The following PRKCB variants were observed in gnomAD, a reference collection of about 807,000 sequenced individuals.
The protein encoded by PRKCB is protein kinase C beta type.
PRKCB carries 13 observed loss-of-function variants against 81.5 expected under a neutral mutation model. That is an observed-to-expected ratio of 0.16 (90% CI 0.10 to 0.25). The LOEUF is 0.25. PRKCB is among the 10% of genes least tolerant of loss of function. The probability of loss-of-function intolerance (pLI) is 1.00; values close to 1 mark genes in which losing one functional copy is unlikely to be tolerated. For missense variants in PRKCB, 509 were observed against 875.7 expected, an observed-to-expected ratio of 0.58 and a Z score of 5.29; for synonymous variants, 335 against 321.4, an observed-to-expected ratio of 1.04 and a Z score of -0.45.
chr16:24,111,705 G>A (rs1326963772), intron 7 of PRKCB, among the ~76,000 whole-genome samples: 2 of 151,926 alleles, frequency 1.3e-5, no homozygotes, highest in African/African-American at 4.8e-5. Context: ...AGCTGAGGCC[G>A]GAGGATTGTT....
intron 2 of PRKCB, among the ~76,000 whole-genome samples, chr16:23,848,388 T>C (rs1962414462): frequency 6.6e-6 from 1 of 152,046 alleles, no homozygotes; most frequent in Non-Finnish European, 1.5e-5. Flanking sequence ...GCAGTGGGGG[T>C]GCCTTACCGG....
chr16:23,883,889 C>T (rs7192249), intron 2 of PRKCB, among the ~76,000 whole-genome samples: 27,565 of 152,118 alleles, frequency 0.18, 2,623 homozygotes, highest in Middle Eastern at 0.28. Context: ...TTAAAATGTT[C>T]TTAGCAATCA....
chr16:24,142,245 T>C (rs1966912032), intron 9 of PRKCB, among the ~76,000 whole-genome samples: 1 of 152,184 alleles, frequency 6.6e-6, no homozygotes, highest in African/African-American at 2.4e-5. Context: ...TAATTCTAAT[T>C]AGATATAAGC....
At chr16:24,019,916 T>G (rs1965336833) in intron 3 of PRKCB, among the ~76,000 whole-genome samples, 1 of 152,244 alleles carries the variant, frequency 6.6e-6, no homozygotes, top group South Asian at 2.1e-4. Flanking sequence ...TGTTTAAATC[T>G]TATGCTACCC....
At position 24,132,800 on chromosome 16, in the gene PRKCB, A is replaced by G. The variant is rs565380147; in HGVS notation, c.1065+8819A>G. ...TTTTTTTTTTTTTTTTTTCTTCTAGAGACAGGGTCTCACTCTGTCACCCAG... is the reference window on the plus strand; with the variant it reads ...TTTTTTTTTTTTTTTTTTCTTCTAGGGACAGGGTCTCACTCTGTCACCCAG... On this transcript the variant is annotated intron_variant, in intron 9 of 16. Coordinates refer to ENST00000643927, the MANE Select transcript of PRKCB (RefSeq NM_002738.7). 2.2e-3 allele frequency among the ~76,000 whole-genome samples: 292 copies of G among 135,140 alleles called. 3 individuals are homozygous for G. Among genetic ancestry groups the G allele is most frequent in the African/African-American group, 8.1e-3 (264 of 32,706 alleles). 88.7% of individuals were successfully genotyped at this position (135,140 alleles called of 152,430 possible).
chr16:24,161,022 A>G (rs566033931), intron 10 of PRKCB, among the ~76,000 whole-genome samples: 4 of 152,330 alleles, frequency 2.6e-5, no homozygotes, highest in African/African-American at 9.6e-5. Flanking sequence ...TTAAAAAAAA[A>G]AGAGACAAAT....
chr16:24,149,008 G>A (rs1260909576), intron 9 of PRKCB, among the ~76,000 whole-genome samples: 1 of 152,166 alleles, frequency 6.6e-6, no homozygotes, highest in Admixed American at 6.6e-5. Flanking sequence ...CAGGAGATTG[G>A]GAATGATCAC....
At chr16:24,109,362 T>C (rs7203573) in intron 7 of PRKCB, among the ~76,000 whole-genome samples, 31,157 of 53,862 alleles carry the variant, frequency 0.58, 9,929 homozygotes, top group Middle Eastern at 0.61. Context: ...GGGCGGCTGC[T>C]AGGCGGAGGG....
At chr16:24,060,330 C>T (rs913508818) in intron 5 of PRKCB, among the ~76,000 whole-genome samples, 3 of 152,104 alleles carry the variant, frequency 2.0e-5, no homozygotes, top group East Asian at 1.9e-4. Flanking sequence ...GCCTTCACAG[C>T]GCTTAGTGCA....
chr16:23,938,782 A>G (rs940000654), intron 2 of PRKCB, among the ~76,000 whole-genome samples: 7 of 152,258 alleles, frequency 4.6e-5, no homozygotes, highest in Admixed American at 2.0e-4. Context: ...TAAAAAATCA[A>G]TGACTTAAAT....
At chr16:23,920,890 T>C (rs1225442139) in intron 2 of PRKCB, among the ~76,000 whole-genome samples, 2 of 152,170 alleles carry the variant, frequency 1.3e-5, no homozygotes, top group Non-Finnish European at 2.9e-5. Flanking sequence ...GACCAGGTAA[T>C]TTATAAAGGA....
At chr16:24,003,385 CG>C (rs1268197195) in intron 3 of PRKCB, among the ~76,000 whole-genome samples, 2 of 101,874 alleles carry the variant, frequency 2.0e-5, no homozygotes, top group Admixed American at 1.9e-4. Flanking sequence ...TTCCTGCATT[CG>C]TTTTTTTTTT....
chr16:24,067,954 AAAAAAG>A (rs200997849), intron 5 of PRKCB, among the ~76,000 whole-genome samples: 139 of 151,684 alleles, frequency 9.2e-4, no homozygotes, highest in African/African-American at 3.3e-3. Context: ...AAAAAAAAAA[AAAAAAG>A]AGAGAGAGAG....
intron 2 of PRKCB, among the ~76,000 whole-genome samples, chr16:23,897,412 AT>A (rs1369218554): frequency 7.9e-5 from 12 of 151,648 alleles, no homozygotes; most frequent in Non-Finnish European, 4.4e-5. Flanking sequence ...TGAAAAAATT[AT>A]TTTTTTTGCT....
At chr16:23,907,918 G>C (rs561942590) in intron 2 of PRKCB, among the ~76,000 whole-genome samples, 1 of 152,354 alleles carries the variant, frequency 6.6e-6, no homozygotes, top group African/African-American at 2.4e-5. Flanking sequence ...GGAGGTGGCA[G>C]ATGTTTTGTG....
chr16:23,841,858 G>A (rs73537014), intron 2 of PRKCB, among the ~76,000 whole-genome samples: 31,775 of 151,158 alleles, frequency 0.21, 3,453 homozygotes, highest in East Asian at 0.33. Context: ...GTTTCGCCAC[G>A]TTGGTTAGGC....
intron 5 of PRKCB, among the ~76,000 whole-genome samples, chr16:24,037,861 T>TAA (rs10718229): frequency 6.1e-5 from 8 of 130,962 alleles, no homozygotes; most frequent in African/African-American, 2.3e-4. Context: ...ACAAGACGTT[T>TAA]AAAAAAAAAA....
At chr16:23,985,271 AT>A (rs1964790120) in intron 2 of PRKCB, among the ~76,000 whole-genome samples, 1 of 151,930 alleles carries the variant, frequency 6.6e-6, no homozygotes, top group Admixed American at 6.6e-5. Context: ...TTTTTTTTGT[AT>A]TTTTAATAGA....
chr16:24,055,444 G>A (rs1965892640), intron 5 of PRKCB, among the ~76,000 whole-genome samples: 1 of 152,234 alleles, frequency 6.6e-6, no homozygotes, highest in Admixed American at 6.5e-5. Flanking sequence ...AGCCACGGAT[G>A]GCTGGGTTTG....
Sources: gnomAD v4.1 joint callset for allele counts (sites outside exome capture counted in the v4.1 genomes callset) on GRCh38, gnomAD v4.1.1 for gene constraint, MANE v1.5 for transcripts, NCBI Gene and HGNC (gene_info 2026-07-23, HGNC 2026-07-21) for gene names.